Variants in CAMTA2 observed in about 807,000 individuals in gnomAD.
The protein encoded by CAMTA2 is calmodulin binding transcription activator 2, also known as calmodulin-binding transcription activator 2.
Under a neutral mutation model 135.7 loss-of-function variants are expected in CAMTA2, and 56 were observed. That is an observed-to-expected ratio of 0.41 (90% CI 0.33 to 0.52). The LOEUF (loss-of-function observed/expected upper bound fraction) is 0.52. Ranked by LOEUF, CAMTA2 falls within the 20% of genes least tolerant of loss-of-function variation. The pLI is 0.16. For synonymous variants in CAMTA2, 591 were observed against 604.6 expected (o/e 0.98, Z 0.33); for missense variants, 1,358 against 1,553.4 (o/e 0.87, Z 2.11).
intron 10 of CAMTA2, among the ~76,000 whole-genome samples, chr17:4,977,642 A>G (rs1253685687): frequency 6.6e-6 from 1 of 152,240 alleles, no homozygotes; most frequent in African/African-American, 2.4e-5. Context: ...CCAGGTGCTG[A>G]GACTTTTTCT....
At chr17:4,987,086 C>A in intron 1 of CAMTA2, 1 of 1,391,754 alleles carries the variant, frequency 7.2e-7, no homozygotes, top group Non-Finnish European at 9.3e-7. Flanking sequence ...TCGGGCTCGG[C>A]TATGTGCAGT....
rs1972515700 is a variant in CAMTA2, at chr17:4,974,760, T to C, written c.1901-260A>G. ...TGTTTCCTTCAAGGTACAGAGGTAG[T>C]AGGATTCCCAAATGGTCATCCAGCC... On this transcript the variant is annotated intron_variant, in intron 11 of 22. Coordinates refer to ENST00000348066, the MANE Select transcript of CAMTA2 (RefSeq NM_015099.4). 2.4e-5 allele frequency: 9 copies of C among 372,734 alleles called. No individual in the cohort carries two copies. In the South Asian group the frequency reaches 2.5e-4, roughly 10 times the overall value. 23.1% of individuals were successfully genotyped at this position (372,734 alleles called of 1,614,324 possible).
chr17:4,985,201 T>G (rs2143069994), intron 3 of CAMTA2, among the ~76,000 whole-genome samples: 2 of 152,198 alleles, frequency 1.3e-5, no homozygotes, highest in African/African-American at 4.8e-5. Flanking sequence ...AAAAAGGCCC[T>G]GGAGTAAGTT....
chr17:4,986,568 A>C (rs1231700951), intron 1 of CAMTA2: 1 of 512,912 alleles, frequency 1.9e-6, no homozygotes, highest in African/African-American at 2.0e-5. Context: ...AGAGGCCCTA[A>C]ACCTTGAGCT....
chr17:4,981,099 T>G, intron 8 of CAMTA2, 126 bp downstream of exon 8: 1 of 1,232,438 alleles, frequency 8.1e-7, no homozygotes, highest in East Asian at 2.3e-5. Context: ...CTGGCCCATC[T>G]TTCTGGGACA....
In CAMTA2 at chr17:4,980,611, G is replaced by A. The variant is rs202043119; in HGVS notation, c.711C>T (p.Ser237=). ...CLCSGGLGSG[S]LTHKCSSTKH... is the part of the protein sequence containing the mutation. ...TCGTGCTGCTGCATTTGTGGGTAAG[G>A]CTCCCAGAACCTGGAGTGGAGAGGA... is the stretch of plus-strand genomic sequence containing the variant. The change falls in exon 9 of 23, where the codon AGC becomes AGT. Residue 237 remains serine, a synonymous_variant. Transcript: ENST00000348066. This position sits in a 1 kb window ranked among gnomAD's most constrained non-coding sequence, Gnocchi z 5.3. 1.2e-6 allele frequency: 2 copies of A among 1,613,830 alleles called. No individual in the cohort carries two copies. The highest frequency in any genetic ancestry group is 1.7e-5 in the Admixed American group (1 of 60,002).
intron 6 of CAMTA2, 96 bp from the exon 7 acceptor site, chr17:4,981,927 T>C (rs1972984900): frequency 1.4e-6 from 2 of 1,380,332 alleles, no homozygotes; most frequent in East Asian, 2.3e-5. Context: ...CCTCCTAACC[T>C]CGCCCCCAAT....
In CAMTA2 at chr17:4,981,731, C is replaced by T. The variant is rs753630640; in HGVS notation, c.512G>A (p.Arg171Gln). 22 of 1,613,602 alleles carry T rather than the reference C, an allele frequency of 1.4e-5. No homozygotes were observed. The South Asian group carries it at 2.1e-4, about 15-fold the overall frequency. The stretch of plus-strand genomic sequence containing the variant: ...CTCCCGGGACCACTTCAGCCACTCT[C>T]GACGGTCGCTGCTGATGGAACAAAA... ...PIFCSISSDR[R>Q]EWLKWSREEL... The change falls in exon 7 of 23, where the codon CGA becomes CAA. Residue 171 changes from arginine (R) to glutamine (Q), a missense_variant. Physicochemically the swap from Arg to Gln is conservative, Grantham distance 43 (BLOSUM62 1). Around this residue, in one of 4 missense-constraint regions of CAMTA2, gnomAD observed 1,077 missense variants for 1,127.5 expected, o/e 0.96. Transcript: ENST00000348066.
At chr17:4,985,477 G>A (rs894997889) in intron 3 of CAMTA2, among the ~76,000 whole-genome samples, 3 of 152,214 alleles carry the variant, frequency 2.0e-5, no homozygotes, top group African/African-American at 7.2e-5. Context: ...AGGCTGGAGT[G>A]CAGTGGCGTG....
chr17:4,980,241 C>T lies in CAMTA2; in HGVS notation c.1081G>A (p.Gly361Ser), dbSNP rs1972875014. 1.3e-6 allele frequency: 2 copies of T among 1,584,394 alleles called. No individual in the cohort carries two copies. Among genetic ancestry groups the T allele is most frequent in the Admixed American group, 3.5e-5 (2 of 57,154 alleles). ...RPSMSLAVVVGTEPSAPPAPP... is the reference protein window; with the variant it reads ...RPSMSLAVVVSTEPSAPPAPP... ...GCTGGTGGGGCAGAAGGCTCAGTGC[C>T]TACAACCACTGCCAAACTCATGGAA... The change falls in exon 9 of 23, where the codon GGC (glycine) becomes AGC (serine). Residue 361 changes from glycine to serine, a missense_variant. By Grantham distance (56) the Gly-to-Ser change is moderately conservative. This residue lies in a region of CAMTA2 where 1,077 missense variants were observed against 1,127.5 expected (regional missense o/e 0.96). Coordinates refer to ENST00000348066, the MANE Select transcript of CAMTA2 (RefSeq NM_015099.4). The surrounding 1 kb of genome is among the most constrained non-coding windows in gnomAD (Gnocchi z 5.3).
rs774130936 is a variant in CAMTA2 at position 4,977,114 on chromosome 17, C to T, written c.1844G>A (p.Arg615Gln). Residue 615 changes from arginine (R) to glutamine (Q), a missense_variant, in exon 11 of 23, where the codon CGA (arginine) becomes CAA (glutamine). Transcript: ENST00000348066. Reference protein sequence around the residue: ...PLSASVLFEYRARRFLSLPST... With the variant: ...PLSASVLFEYQARRFLSLPST... ...AGGCAGAGACAGGAATCGGCGGGCT[C>T]GATACTCAAAGAGCACAGAAGCAGA... 1.3e-5 allele frequency: 21 copies of T among 1,614,018 alleles called. No individual in the cohort carries two copies. The highest frequency in any genetic ancestry group is 1.6e-4 in the Middle Eastern group (1 of 6,062).
Position 4,968,444 on chromosome 17 carries a change from G to T in CAMTA2, c.*312C>A. The stretch of plus-strand genomic sequence containing the variant: ...AAATAAATAAGGCAAGTCAGGAGGG[G>T]GCCGAGTCGGGTGCAGGCAGGAGGA... On this transcript the variant is annotated 3_prime_UTR_variant, in exon 23 of 23. Coordinates refer to ENST00000348066, the MANE Select transcript of CAMTA2 (RefSeq NM_015099.4). 1.9e-6 allele frequency: 1 copy of T among 513,770 alleles called. No homozygotes were observed. The highest frequency in any genetic ancestry group is 3.5e-6 in the Non-Finnish European group (1 of 285,958). 31.8% of individuals were successfully genotyped at this position (513,770 alleles called of 1,614,324 possible). A position where few individuals can be genotyped will look rare whatever the true frequency, so the allele number is the denominator to read the frequency against.
At chr17:4,977,246 GC>G in intron 10 of CAMTA2, 54 bp from the exon 11 acceptor site, 1 of 1,592,096 alleles carries the variant, frequency 6.3e-7, no homozygotes, top group East Asian at 2.2e-5. Context: ...TCCTTCTCTG[GC>G]TACCTGTGTC....
At chr17:4,981,887 C>A (rs1055322958) in intron 6 of CAMTA2, 56 bp from the exon 7 acceptor site, 1 of 1,508,100 alleles carries the variant, frequency 6.6e-7, no homozygotes, top group Non-Finnish European at 9.0e-7. Flanking sequence ...AGGGGCTTGG[C>A]TTCCTAATCC....
chr17:4,974,171 A>G, intron 12 of CAMTA2: 1 of 567,748 alleles, frequency 1.8e-6, no homozygotes. Context: ...TCAGACCAGA[A>G]ATAGTCTGAA....
At chr17:4,985,847 G>C in intron 3 of CAMTA2, 33 bp downstream of exon 3, 1 of 1,429,964 alleles carries the variant, frequency 7.0e-7, no homozygotes, top group Non-Finnish European at 9.9e-7. Context: ...ACTAGGTCTT[G>C]CTGGGCCCCA....
rs574932958 is a variant in CAMTA2 at position 4,980,242 on chromosome 17, T to C, written c.1080A>G (p.Val360=). The C allele has an allele frequency of 1.9e-4, 309 of 1,585,054 alleles. 6 individuals are homozygous for C. The South Asian group carries it at 3.5e-3, about 18-fold the overall frequency. Residue 360 remains valine, a synonymous_variant, in exon 9 of 23, where the codon GTA becomes GTG. Transcript: ENST00000348066. This position sits in a 1 kb window ranked among gnomAD's most constrained non-coding sequence, Gnocchi z 5.3. The part of the protein sequence containing the change: ...PRPSMSLAVV[V]GTEPSAPPAP... ...CTGGTGGGGCAGAAGGCTCAGTGCCTACAACCACTGCCAAACTCATGGAAG... is the reference window on the plus strand; with the variant it reads ...CTGGTGGGGCAGAAGGCTCAGTGCCCACAACCACTGCCAAACTCATGGAAG...
Position 4,972,768 on chromosome 17 carries a change from C to T in CAMTA2, c.2503+1G>A. ...CTCCAAAAGATTAGGGCCACCCTCA[C>T]CAGTGTCTGGGCTGGAGGAGGGTGG... On this transcript the variant is annotated splice_donor_variant, in intron 15 of 22. Coordinates refer to ENST00000348066, the MANE Select transcript of CAMTA2 (RefSeq NM_015099.4). LOFTEE classifies it high-confidence loss of function. 6.2e-7 allele frequency: 1 copy of T among 1,612,250 alleles called. No homozygotes were observed. The highest frequency in any genetic ancestry group is 8.5e-7 in the Non-Finnish European group (1 of 1,178,610).
chr17:4,985,713 C>T (rs1279300237), intron 3 of CAMTA2, among the ~76,000 whole-genome samples, 167 bp downstream of exon 3: 2 of 152,152 alleles, frequency 1.3e-5, no homozygotes, highest in Non-Finnish European at 2.9e-5. Flanking sequence ...CATGAGCCAC[C>T]ATGCCCGGCC....
Sources: gnomAD v4.1 joint callset for allele counts (sites outside exome capture counted in the v4.1 genomes callset) on GRCh38, gnomAD v4.1.1 for gene constraint, gnomAD v4.1.1 regional missense constraint, Gnocchi (gnomAD v3.1) non-coding constraint, MANE v1.5 for transcripts, NCBI Gene and HGNC (gene_info 2026-07-23, HGNC 2026-07-21) for gene names.